The following DDX10 variants were observed in gnomAD, a reference collection of about 807,000 sequenced individuals.
DDX10 encodes the protein probable ATP-dependent RNA helicase DDX10.
Under a neutral mutation model 104.3 loss-of-function variants are expected in DDX10, and 74 were observed. That is an observed-to-expected ratio of 0.71 (90% CI 0.59 to 0.86). DDX10 has a LOEUF of 0.86. Ranked by LOEUF, DDX10 falls within the 40% of genes least tolerant of loss-of-function variation. DDX10 has a pLI of 0.00. For missense variants in DDX10, 952 were observed against 1,040.0 expected (o/e 0.92, Z 1.16); for synonymous variants, 351 against 353.4 (o/e 0.99, Z 0.08).
intron 16 of DDX10, among the ~76,000 whole-genome samples, chr11:108,897,287 C>G (rs1863454221): frequency 6.6e-6 from 1 of 152,114 alleles, no homozygotes; most frequent in African/African-American, 2.4e-5. Context: ...TCTAGGGTCT[C>G]AGCTTCCCAG....
At chr11:108,895,812 G>A (rs1188700350) in intron 16 of DDX10, among the ~76,000 whole-genome samples, 1 of 152,044 alleles carries the variant, frequency 6.6e-6, no homozygotes, top group Non-Finnish European at 1.5e-5. Context: ...CAATTGTCCT[G>A]CTTTCAGAAA....
At chr11:108,673,322 A>G in intron 1 of DDX10, 145 bp from the exon 2 acceptor site, 2 of 628,528 alleles carry the variant, frequency 3.2e-6, no homozygotes, top group East Asian at 2.9e-5. Context: ...ATTTCGTTAC[A>G]GAAGGAATGA....
intron 13 of DDX10, among the ~76,000 whole-genome samples, chr11:108,732,152 CAT>C (rs778891144): frequency 1.3e-5 from 2 of 152,114 alleles, no homozygotes; most frequent in Non-Finnish European, 2.9e-5. Flanking sequence ...GTCTAATAAT[CAT>C]ATCATTATAA....
At chr11:108,830,328 A>G (rs1229728432) in intron 13 of DDX10, among the ~76,000 whole-genome samples, 2 of 152,170 alleles carry the variant, frequency 1.3e-5, no homozygotes, top group Admixed American at 6.5e-5. Context: ...CTATTCTGAA[A>G]GAGGTTGAGT....
At chr11:108,783,302 A>G (rs1048727361) in intron 13 of DDX10, among the ~76,000 whole-genome samples, 1 of 152,208 alleles carries the variant, frequency 6.6e-6, no homozygotes, top group Non-Finnish European at 1.5e-5. Flanking sequence ...AAAATGGGCC[A>G]TTAGTTTTAG....
chr11:108,876,140 G>A (rs1305350577), intron 16 of DDX10, among the ~76,000 whole-genome samples: 1 of 152,114 alleles, frequency 6.6e-6, no homozygotes, highest in African/African-American at 2.4e-5. Flanking sequence ...GATAAAAACA[G>A]TAATATCACA....
chr11:108,939,909 G>A (rs1442177449), intron 17 of DDX10, among the ~76,000 whole-genome samples: 1 of 152,204 alleles, frequency 6.6e-6, no homozygotes, highest in African/African-American at 2.4e-5. Context: ...AGTAGAGGTA[G>A]TTTGGTGTGG....
At chr11:108,791,053 T>G (rs1861864382) in intron 13 of DDX10, among the ~76,000 whole-genome samples, 1 of 152,232 alleles carries the variant, frequency 6.6e-6, no homozygotes, top group Admixed American at 6.5e-5. Context: ...TCTGTGTCCC[T>G]CTACTAGAAT....
At chr11:108,807,939 G>A (rs1862122596) in intron 13 of DDX10, among the ~76,000 whole-genome samples, 2 of 152,212 alleles carry the variant, frequency 1.3e-5, no homozygotes, top group African/African-American at 2.4e-5. Flanking sequence ...TTAGAAAAGT[G>A]TCACGTTCTG....
intron 13 of DDX10, among the ~76,000 whole-genome samples, chr11:108,753,427 A>G (rs755566402): frequency 2.6e-5 from 4 of 152,116 alleles, no homozygotes; most frequent in Non-Finnish European, 4.4e-5. Context: ...TACCAAAGGA[A>G]GCAACAGCAT....
intron 13 of DDX10, among the ~76,000 whole-genome samples, chr11:108,825,890 G>C (rs1390613185): frequency 1.3e-5 from 2 of 152,142 alleles, no homozygotes; most frequent in East Asian, 3.8e-4. Flanking sequence ...AGGAAATGTA[G>C]GCAGTCATCT....
At chr11:108,763,859 T>G (rs1019771033) in intron 13 of DDX10, among the ~76,000 whole-genome samples, 3 of 152,192 alleles carry the variant, frequency 2.0e-5, no homozygotes, top group African/African-American at 7.2e-5. Context: ...AGCTTAACAT[T>G]TTTGTGTAAG....
At chr11:108,897,647 C>T (rs556581666) in intron 16 of DDX10, among the ~76,000 whole-genome samples, 2 of 151,424 alleles carry the variant, frequency 1.3e-5, no homozygotes, top group African/African-American at 4.8e-5. Flanking sequence ...GTAGTTTGAA[C>T]GTACAAAGGA....
intron 16 of DDX10, among the ~76,000 whole-genome samples, chr11:108,888,553 G>A (rs1256742079): frequency 6.6e-6 from 1 of 152,052 alleles, no homozygotes; most frequent in Non-Finnish European, 1.5e-5. Flanking sequence ...TATATTCCCT[G>A]CCTAACTTCT....
intron 2 of DDX10, among the ~76,000 whole-genome samples, chr11:108,674,675 T>C (rs1410431833): frequency 6.6e-6 from 1 of 152,104 alleles, no homozygotes; most frequent in Non-Finnish European, 1.5e-5. Flanking sequence ...TGTGCCTGGC[T>C]AATTTTTAAA....
intron 16 of DDX10, among the ~76,000 whole-genome samples, chr11:108,898,287 G>A (rs1355390247): frequency 2.0e-5 from 3 of 151,986 alleles, no homozygotes; most frequent in African/African-American, 4.8e-5. Flanking sequence ...CTATGGATGG[G>A]ACTTAAGACA....
At position 108,917,298 on chromosome 11, in the gene DDX10, C is replaced by G. The variant is rs114016879; in HGVS notation, c.2305-575C>G. Among the ~76,000 whole-genome samples the G allele has an allele frequency of 9.7e-3, 1,480 of 152,154 alleles. 23 individuals are homozygous for G. Among genetic ancestry groups the G allele is most frequent in the African/African-American group, 0.034 (1,418 of 41,470 alleles). On this transcript the variant is annotated intron_variant, in intron 16 of 17. Coordinates refer to ENST00000322536, the MANE Select transcript of DDX10 (RefSeq NM_004398.4). ...AAAATCAGACAAATGTTACTGTACTCTGGCTTCTGATCTTTTATATTTTCA... is the reference window on the plus strand; with the variant it reads ...AAAATCAGACAAATGTTACTGTACTGTGGCTTCTGATCTTTTATATTTTCA...
intron 13 of DDX10, among the ~76,000 whole-genome samples, chr11:108,778,842 A>G (rs571770547): frequency 3.0e-4 from 46 of 152,296 alleles, no homozygotes; most frequent in Admixed American, 1.1e-3. Context: ...TCAAATTTAC[A>G]AGAAAAAGTC....
At chr11:108,737,556 G>C (rs940430499) in intron 13 of DDX10, among the ~76,000 whole-genome samples, 1 of 152,200 alleles carries the variant, frequency 6.6e-6, no homozygotes, top group Non-Finnish European at 1.5e-5. Flanking sequence ...CTAGAAAAAA[G>C]TGCCTTAGTA....
Sources: gnomAD v4.1 joint callset for allele counts (sites outside exome capture counted in the v4.1 genomes callset) on GRCh38, gnomAD v4.1.1 for gene constraint, MANE v1.5 for transcripts, NCBI Gene and HGNC (gene_info 2026-07-23, HGNC 2026-07-21) for gene names.